Variants in CLVS1 observed in about 807,000 individuals in gnomAD.
CLVS1 encodes clavesin-1.
In CLVS1, 10 loss-of-function variants were observed where a neutral mutation model predicts 33.1. That is an observed-to-expected ratio of 0.30 (90% CI 0.19 to 0.51). CLVS1 has a LOEUF of 0.51. Ranked by LOEUF, CLVS1 falls within the 20% of genes least tolerant of loss-of-function variation. The pLI is 0.97. For missense variants in CLVS1, 343 were observed against 433.4 expected (o/e 0.79, Z 1.85); for synonymous variants, 163 against 166.1 (o/e 0.98, Z 0.14).
the CLVS1 span, among the ~76,000 whole-genome samples, chr8:60,968,747 A>G: frequency 6.7e-6 from 1 of 148,598 alleles, no homozygotes; most frequent in Non-Finnish European, 1.5e-5. Flanking sequence ...AAATTAGCTG[A>G]GTGTGGGGGC....
In CLVS1 at chr8:61,458,436, G is replaced by C. The variant is rs562615173; in HGVS notation, c.871G>C (p.Asp291His). Residue 291 changes from aspartate (D) to histidine (H), a missense_variant, in exon 5 of 6, where the codon GAC becomes CAC. Asp to His is a moderately conservative substitution (Grantham distance 81). Coordinates refer to ENST00000325897, the MANE Select transcript of CLVS1 (RefSeq NM_173519.3). ...TTGGGCCCGGACGTTACTCGGTCCC[G>C]ACTACAGCGATGAAAATGACTATAC... ...GTWARTLLGP[D>H]YSDENDYTHT... 6.2e-7 allele frequency: 1 copy of C among 1,613,962 alleles called. No homozygotes were observed. The highest frequency in any genetic ancestry group is 1.1e-5 in the South Asian group (1 of 91,070).
At chr8:61,002,679 T>A in the CLVS1 span, among the ~76,000 whole-genome samples, 1 of 152,300 alleles carries the variant, frequency 6.6e-6, no homozygotes, top group East Asian at 1.9e-4. Context: ...TAGAAAATCA[T>A]GCCTTACACA....
At chr8:61,002,327 GTTTTTTTTTTTTT>G in the CLVS1 span, among the ~76,000 whole-genome samples, 24 of 98,798 alleles carry the variant, frequency 2.4e-4, no homozygotes, top group South Asian at 8.1e-3. Context: ...ATGCTTGCTT[GTTTTTTTTTTTTT>G]TTTTTTTTTG....
intron 3 of CLVS1, among the ~76,000 whole-genome samples, chr8:61,413,112 A>G (rs1286300055): frequency 6.6e-6 from 1 of 152,162 alleles, no homozygotes; most frequent in Non-Finnish European, 1.5e-5. Flanking sequence ...GGCCTTTGAA[A>G]TTAGCGAGTC....
chr8:61,402,910 C>T (rs905694896), intron 3 of CLVS1, among the ~76,000 whole-genome samples: 2 of 152,006 alleles, frequency 1.3e-5, no homozygotes, highest in South Asian at 4.2e-4. Context: ...GAGAGGCAGA[C>T]AAAAAAACAA....
chr8:61,437,895 A>G (rs1226445638), intron 3 of CLVS1, among the ~76,000 whole-genome samples: 1 of 152,234 alleles, frequency 6.6e-6, no homozygotes, highest in Admixed American at 6.5e-5. Flanking sequence ...GTAGAATTTA[A>G]ATAAGCCAAT....
chr8:61,382,797 G>A (rs1007053800), intron 3 of CLVS1, among the ~76,000 whole-genome samples: 5 of 152,100 alleles, frequency 3.3e-5, no homozygotes, highest in South Asian at 2.1e-4. Flanking sequence ...CTTTGGTGTG[G>A]GTGAGAGTAG....
At chr8:61,438,989 T>C (rs1236258345) in intron 3 of CLVS1, among the ~76,000 whole-genome samples, 2 of 152,234 alleles carry the variant, frequency 1.3e-5, no homozygotes, top group African/African-American at 4.8e-5. Context: ...TAAAATGTTA[T>C]TATACTTGCT....
rs188393467 is a variant in CLVS1, at chr8:61,365,419, C to T, written c.456-11186C>T. Among the ~76,000 whole-genome samples the T allele has an allele frequency of 1.9e-4, 29 of 151,874 alleles. No individual in the cohort carries two copies. In the East Asian group the frequency reaches 4.5e-3, roughly 23 times the overall value. On this transcript the variant is annotated intron_variant, in intron 2 of 5. Coordinates refer to ENST00000325897, the MANE Select transcript of CLVS1 (RefSeq NM_173519.3). ...GTGGGTGCCTGTAATCCCGGCTACT[C>T]GGGAGGCTGAGGCAGGAGAATAGCT...
intron 1 of CLVS1, among the ~76,000 whole-genome samples, chr8:61,120,791 A>G (rs925459199): frequency 6.8e-6 from 1 of 146,864 alleles, no homozygotes; most frequent in Non-Finnish European, 1.5e-5. Flanking sequence ...TCAGAGAGGG[A>G]CATTTAAGTC....
chr8:61,389,664 T>G (rs1013162817), intron 3 of CLVS1, among the ~76,000 whole-genome samples: 1 of 152,188 alleles, frequency 6.6e-6, no homozygotes, highest in Admixed American at 6.5e-5. Flanking sequence ...TTAGTAGCTC[T>G]GAGAGCACTG....
intron 1 of CLVS1, among the ~76,000 whole-genome samples, chr8:61,072,546 G>A (rs1338894443): frequency 6.6e-6 from 1 of 152,136 alleles, no homozygotes; most frequent in Non-Finnish European, 1.5e-5. Context: ...TAAAAGAAAA[G>A]CAACGAAAGA....
the CLVS1 span, among the ~76,000 whole-genome samples, chr8:60,990,864 A>G: frequency 6.6e-6 from 1 of 151,856 alleles, no homozygotes; most frequent in East Asian, 1.9e-4. Context: ...ACCCACCACC[A>G]CGCTTGGCTA....
intron 1 of CLVS1, among the ~76,000 whole-genome samples, chr8:61,105,754 T>C (rs1415541033): frequency 6.7e-6 from 1 of 149,956 alleles, no homozygotes; most frequent in Non-Finnish European, 1.5e-5. Flanking sequence ...GGGTAGGAGG[T>C]CTCTGAACAT....
chr8:61,373,556 G>A (rs1304282718), intron 2 of CLVS1, among the ~76,000 whole-genome samples: 1 of 152,158 alleles, frequency 6.6e-6, no homozygotes, highest in Non-Finnish European at 1.5e-5. Context: ...GTAGTTAAAG[G>A]AGTAAAATGA....
At chr8:61,258,895 T>G (rs1167790816) in intron 2 of CLVS1, among the ~76,000 whole-genome samples, 1 of 152,222 alleles carries the variant, frequency 6.6e-6, no homozygotes, top group Non-Finnish European at 1.5e-5. Flanking sequence ...TGGTTTTATT[T>G]TATACATTCC....
rs79253747 is a variant in CLVS1, at chr8:61,090,138, G to A, written c.-243+32908G>A. Among the ~76,000 whole-genome samples, 395 of 152,256 alleles carry A rather than the reference G, an allele frequency of 2.6e-3. 5 individuals are homozygous for A. Among genetic ancestry groups the A allele is most frequent in the African/African-American group, 8.9e-3 (368 of 41,536 alleles). ...TTTAGTACTCATTCAACTTTTTCCT[G>A]TAAGGAGATATATCACAGTTGAAAG... On this transcript the variant is annotated intron_variant, in intron 1 of 2. Coordinates refer to the CLVS1 transcript ENST00000522621.
intron 3 of CLVS1, among the ~76,000 whole-genome samples, chr8:61,451,812 C>CAG (rs71257362): frequency 0.099 from 14,126 of 142,782 alleles, 804 homozygotes; most frequent in Admixed American, 0.13. Context: ...CACACACACA[C>CAG]AGAGAGAGAG....
chr8:61,096,969 C>T (rs1805362520), intron 1 of CLVS1, among the ~76,000 whole-genome samples: 1 of 152,194 alleles, frequency 6.6e-6, no homozygotes, highest in Non-Finnish European at 1.5e-5. Flanking sequence ...CTGCAGGATT[C>T]TGTGAACGCT....
Sources: gnomAD v4.1 joint callset for allele counts (sites outside exome capture counted in the v4.1 genomes callset) on GRCh38, gnomAD v4.1.1 for gene constraint, MANE v1.5 for transcripts, NCBI Gene and HGNC (gene_info 2026-07-23, HGNC 2026-07-21) for gene names.